Variants in CNTN5 observed in about 807,000 individuals in gnomAD.
The protein encoded by CNTN5 is contactin-5.
A neutral mutation model predicts 129.1 loss-of-function variants in CNTN5; 77 were observed. That is an observed-to-expected ratio of 0.60 (90% confidence interval 0.50 to 0.72). The LOEUF (loss-of-function observed/expected upper bound fraction) is 0.72. CNTN5 is among the 30% of genes least tolerant of loss of function. The pLI, the probability that CNTN5 is intolerant of heterozygous loss-of-function variation, is 0.00. For missense variants in CNTN5, 1,478 were observed against 1,328.8 expected (o/e 1.11, Z -1.75); for synonymous variants, 509 against 465.6 (o/e 1.09, Z -1.20).
At chr11:99,467,906 G>A (rs1209447044) in intron 2 of CNTN5, among the ~76,000 whole-genome samples, 1 of 151,850 alleles carries the variant, frequency 6.6e-6, no homozygotes, top group African/African-American at 2.4e-5. Flanking sequence ...TTTTTAGGTG[G>A]TATTGAGATT....
chr11:99,691,028 T>G (rs1204205554), intron 3 of CNTN5, among the ~76,000 whole-genome samples: 2 of 152,110 alleles, frequency 1.3e-5, no homozygotes, highest in African/African-American at 4.8e-5. Context: ...TCTTCTAGAT[T>G]TTCTTGTTAC....
chr11:100,003,285 G>T (rs1432290053), intron 9 of CNTN5, among the ~76,000 whole-genome samples: 1 of 152,086 alleles, frequency 6.6e-6, no homozygotes, highest in Non-Finnish European at 1.5e-5. Flanking sequence ...TATCTAGGAG[G>T]TATTTGGGCA....
At chr11:99,155,480 A>T (rs1860287819) in intron 1 of CNTN5, among the ~76,000 whole-genome samples, 1 of 152,182 alleles carries the variant, frequency 6.6e-6, no homozygotes, top group African/African-American at 2.4e-5. Flanking sequence ...ACACTGGCAG[A>T]TTCTGAAAGA....
At chr11:99,997,833 A>G (rs1565771375) in intron 8 of CNTN5, among the ~76,000 whole-genome samples, 1 of 152,178 alleles carries the variant, frequency 6.6e-6, no homozygotes, top group Non-Finnish European at 1.5e-5. Context: ...CATCCCTGGG[A>G]TGCAAGGCTG....
intron 3 of CNTN5, among the ~76,000 whole-genome samples, chr11:99,813,021 T>C (rs5010990): frequency 6.5e-5 from 7 of 107,916 alleles, no homozygotes; most frequent in African/African-American, 2.3e-4. Context: ...AATTTACCAA[T>C]TGGTAAAATC....
chr11:99,500,831 TA>T (rs1442727535), intron 2 of CNTN5, among the ~76,000 whole-genome samples: 2 of 152,102 alleles, frequency 1.3e-5, no homozygotes, highest in Non-Finnish European at 2.9e-5. Context: ...TGATTGTCAA[TA>T]AGTATGTTTA....
At chr11:100,273,410 C>T (rs1950443855) in intron 18 of CNTN5, among the ~76,000 whole-genome samples, 1 of 152,084 alleles carries the variant, frequency 6.6e-6, no homozygotes, top group Admixed American at 6.5e-5. Flanking sequence ...CAGTCTGCTC[C>T]CCTTCCCCTG....
In CNTN5 at chr11:99,158,370, C is replaced by T. The variant is rs531243056; in HGVS notation, c.-210+137100C>T. Among the ~76,000 whole-genome samples the T allele has an allele frequency of 3.3e-5, 5 of 152,230 alleles. No homozygotes were observed. In the East Asian group the frequency reaches 5.8e-4, roughly 18 times the overall value. ...GATATTCACAGCTCTCTCCCTCTCT[C>T]GTATAGTTATTCTTGTTTTGCTTAC... On this transcript the variant is annotated intron_variant, in intron 1 of 24. Transcript: ENST00000524871.
chr11:100,146,624 C>G (rs116315321), intron 13 of CNTN5, among the ~76,000 whole-genome samples: 2,085 of 152,168 alleles, frequency 0.014, 37 homozygotes, highest in African/African-American at 0.035. Flanking sequence ...AAAATAAGAA[C>G]TCCACAGAAC....
intron 2 of CNTN5, among the ~76,000 whole-genome samples, chr11:99,423,345 TGA>T (rs895627675): frequency 3.3e-5 from 5 of 152,190 alleles, no homozygotes; most frequent in Non-Finnish European, 7.3e-5. Context: ...GAGCAGAAAC[TGA>T]GAGATAGGAA....
intron 3 of CNTN5, among the ~76,000 whole-genome samples, chr11:99,794,384 A>T (rs1945861194): frequency 6.6e-6 from 1 of 152,034 alleles, no homozygotes; most frequent in Non-Finnish European, 1.5e-5. Flanking sequence ...CCAACTTTCC[A>T]TTCTGTGCCT....
At chr11:99,645,347 G>A (rs1951919315) in intron 3 of CNTN5, among the ~76,000 whole-genome samples, 2 of 143,190 alleles carry the variant, frequency 1.4e-5, no homozygotes, top group Non-Finnish European at 3.0e-5. Flanking sequence ...GTATATGTTT[G>A]TCAATAAAAT....
chr11:99,857,805 T>G (rs1017909952), intron 6 of CNTN5, among the ~76,000 whole-genome samples: 30 of 152,158 alleles, frequency 2.0e-4, no homozygotes, highest in Admixed American at 1.3e-4. Flanking sequence ...CCTTTTTAAA[T>G]ATAGTTCTAT....
intron 1 of CNTN5, among the ~76,000 whole-genome samples, chr11:99,228,988 T>G (rs1422499898): frequency 6.6e-6 from 1 of 152,040 alleles, no homozygotes. Context: ...TTATAAAGTT[T>G]CTAATGATAC....
At chr11:100,276,001 G>C (rs1011068303) in intron 18 of CNTN5, among the ~76,000 whole-genome samples, 2 of 152,116 alleles carry the variant, frequency 1.3e-5, no homozygotes, top group Non-Finnish European at 2.9e-5. Flanking sequence ...AAAAGATAAT[G>C]CTGCTCTAAA....
At chr11:99,712,335 T>C (rs897027642) in intron 3 of CNTN5, among the ~76,000 whole-genome samples, 3 of 152,180 alleles carry the variant, frequency 2.0e-5, no homozygotes, top group African/African-American at 7.2e-5. Context: ...TGTTTTTGTT[T>C]TCTTGTAAAT....
intron 1 of CNTN5, among the ~76,000 whole-genome samples, chr11:99,076,824 A>G (rs1865596431): frequency 6.6e-6 from 1 of 152,210 alleles, no homozygotes; most frequent in African/African-American, 2.4e-5. Flanking sequence ...AAGGAAAGAG[A>G]AATCTGATGG....
chr11:99,542,563 A>T (rs1420227640), intron 2 of CNTN5, among the ~76,000 whole-genome samples: 1 of 152,190 alleles, frequency 6.6e-6, no homozygotes, highest in African/African-American at 2.4e-5. Flanking sequence ...CGCCAACTTA[A>T]CACAATGTTT....
chr11:99,421,220 G>T (rs1942874426), intron 2 of CNTN5, among the ~76,000 whole-genome samples: 1 of 151,940 alleles, frequency 6.6e-6, no homozygotes, highest in East Asian at 1.9e-4. Flanking sequence ...GGATACATGG[G>T]CGGACAACAT....
Sources: gnomAD v4.1 joint callset for allele counts (sites outside exome capture counted in the v4.1 genomes callset) on GRCh38, gnomAD v4.1.1 for gene constraint, MANE v1.5 for transcripts, NCBI Gene and HGNC (gene_info 2026-07-23, HGNC 2026-07-21) for gene names.